MED16: variants seen among roughly 807,000 people sequenced by gnomAD.
MED16 encodes mediator complex subunit 16, also known as mediator of RNA polymerase II transcription subunit 16.
Under a neutral mutation model 84.4 loss-of-function variants are expected in MED16, and 81 were observed. The ratio of observed to expected loss-of-function variants is 0.96; its 90% CI spans 0.80 to 1.15. The LOEUF is 1.15. Ranked by LOEUF, MED16 falls within the 50% of genes most tolerant of loss-of-function variation. MED16 has a pLI of 0.00. For synonymous variants in MED16, 897 were observed against 552.2 expected (o/e 1.62, Z -8.76); for missense variants, 1,585 against 1,245.9 (o/e 1.27, Z -4.10).
intron 2 of MED16, 134 bp from the exon 3 acceptor site, chr19:890,378 C>G (rs545004768): frequency 1.6e-6 from 1 of 607,564 alleles, no homozygotes; most frequent in East Asian, 2.9e-5. Flanking sequence ...TCAGCCGAGT[C>G]GACAGCTCAG....
At chr19:872,245 C>T (rs1006787883) in intron 11 of MED16, 127 bp from the exon 12 acceptor site, 3 of 770,534 alleles carry the variant, frequency 3.9e-6, no homozygotes, top group Non-Finnish European at 6.1e-6. Flanking sequence ...TTGTGGTGGT[C>T]AGGACTGGGG....
chr19:869,817 C>T (rs2036003654), intron 13 of MED16, among the ~76,000 whole-genome samples: 2 of 152,232 alleles, frequency 1.3e-5, no homozygotes, highest in Admixed American at 6.5e-5. Context: ...GCATGTGCTC[C>T]TTGTCAAACG....
In MED16 at chr19:877,430, C is replaced by A. The variant is rs182049695; in HGVS notation, c.1354-250G>T. 8.5e-5 allele frequency among the ~76,000 whole-genome samples: 13 copies of A among 152,272 alleles called. No individual in the cohort carries two copies. In the East Asian group the frequency reaches 2.5e-3, roughly 29 times the overall value. ...CACTGGATGCCGAGCCAGGCTTACA[C>A]TCGTCTGCTTTACCTGAGGAGTCTA... On this transcript the variant is annotated intron_variant, in intron 8 of 15. Transcript: ENST00000325464.
intron 13 of MED16, 67 bp from the exon 14 acceptor site, chr19:869,013 C>T: frequency 7.2e-7 from 1 of 1,390,786 alleles, no homozygotes; most frequent in Non-Finnish European, 9.7e-7. Flanking sequence ...GCAGGGGCAT[C>T]TGTCCACAGG....
intron 4 of MED16, among the ~76,000 whole-genome samples, chr19:889,037 C>T (rs1004475548): frequency 1.1e-4 from 16 of 147,732 alleles, no homozygotes; most frequent in African/African-American, 4.0e-4. Flanking sequence ...CCTGGCCACG[C>T]CTACTCTTAA....
Position 881,699 on chromosome 19 carries a change from G to A in MED16, c.1001C>T (p.Pro334Leu). The A allele has an allele frequency of 6.2e-7, 1 of 1,610,498 alleles. No homozygotes were observed. Among genetic ancestry groups the A allele is most frequent in the Non-Finnish European group, 8.5e-7 (1 of 1,178,110 alleles). The change falls in exon 7 of 16, where the codon CCC becomes CTC. Residue 334 changes from proline (P) to leucine (L), a missense_variant. Transcript: ENST00000325464. ...TAGGATCCGCCATTTGAGAATTGTG[G>A]GCTGTTTGTCGCCAACTGAAAAATC... ...QISPVVGDKQ[P>L]TILKWRILSA...
intron 2 of MED16, 167 bp from the exon 3 acceptor site, chr19:890,411 G>A: frequency 3.6e-6 from 2 of 556,496 alleles, no homozygotes; most frequent in Non-Finnish European, 6.4e-6. Context: ...CCCCCCGCAG[G>A]AACAGAGCAG....
At chr19:870,006 G>A (rs2036007339) in intron 13 of MED16, among the ~76,000 whole-genome samples, 1 of 152,196 alleles carries the variant, frequency 6.6e-6, no homozygotes, top group Non-Finnish European at 1.5e-5. Flanking sequence ...GGCAGCCAGG[G>A]TCAGCTCAGC....
chr19:875,899 G>A (rs1487882158), intron 9 of MED16, among the ~76,000 whole-genome samples: 1 of 152,188 alleles, frequency 6.6e-6, no homozygotes, highest in Non-Finnish European at 1.5e-5. Flanking sequence ...AGGATTCCTG[G>A]AGGCTGGGAG....
intron 14 of MED16, 84 bp downstream of exon 14, chr19:868,779 T>A: frequency 7.1e-7 from 1 of 1,407,938 alleles, no homozygotes; most frequent in Non-Finnish European, 9.6e-7. Context: ...CTTGACCGTC[T>A]GGAGCGCTGG....
intron 6 of MED16, among the ~76,000 whole-genome samples, chr19:884,357 G>A (rs549017182): frequency 3.9e-5 from 6 of 152,174 alleles, no homozygotes; most frequent in South Asian, 4.1e-4. Flanking sequence ...CCGTGGGTGC[G>A]GGGGGCCCAT....
Position 868,466 on chromosome 19 carries a change from G to A in MED16, c.2433C>T (p.Asn811=), listed in dbSNP as rs370700407. The change falls in exon 15 of 16, where the codon AAC becomes AAT. Residue 811 remains asparagine, a synonymous_variant. Transcript: ENST00000325464. ...CCCACTGCTTCACCGCCGTGGTTCT[G>A]TTGGGCGACTTGAGCATGGTGACAC... ...CGCVTMLKSP[N]RTTAVKQWEQ... is the part of the protein sequence containing the mutation. 6.2e-7 allele frequency: 1 copy of A among 1,610,996 alleles called. No homozygotes were observed. Among genetic ancestry groups the A allele is most frequent in the African/African-American group, 1.3e-5 (1 of 74,932 alleles).
intron 8 of MED16, among the ~76,000 whole-genome samples, chr19:877,920 G>A (rs62132307): frequency 2.5e-5 from 3 of 119,704 alleles, no homozygotes; most frequent in Middle Eastern, 7.9e-3. Context: ...ACGTGCCCCA[G>A]CAGCTCACCT....
Position 880,023 on chromosome 19 carries a change from G to A in MED16, c.1267C>T (p.Arg423Cys), listed in dbSNP as rs146740386. The change falls in exon 8 of 16, where the codon CGC (arginine) becomes TGC (cysteine). Residue 423 changes from arginine (R) to cysteine (C), a missense_variant. Transcript: ENST00000325464. ...AAGTGGACGGCGGGGCCCGCGGTGC[G>A]GGGGCGCTTCATGGCCGGCTCATCC... ...PVDEPAMKRP[R>C]TAGPAVHLKA... 65 of 1,610,496 alleles carry A rather than the reference G, an allele frequency of 4.0e-5. No individual in the cohort carries two copies. In the African/African-American group the frequency reaches 4.9e-4, roughly 12 times the overall value.
At chr19:877,457 C>A (rs1033325848) in intron 8 of MED16, among the ~76,000 whole-genome samples, 1 of 152,074 alleles carries the variant, frequency 6.6e-6, no homozygotes, top group Non-Finnish European at 1.5e-5. Context: ...AGGAGTCTAC[C>A]CCGTGAAAGG....
chr19:872,173 G>C (rs1050766280), intron 11 of MED16, 55 bp from the exon 12 acceptor site: 18 of 1,501,974 alleles, frequency 1.2e-5, no homozygotes, highest in Non-Finnish European at 1.6e-5. Context: ...ATGGCGATGG[G>C]ATGAAGTGTC....
At position 886,211 on chromosome 19, in the gene MED16, A is replaced by AG; in HGVS notation, c.448-11dup. 1 of 1,483,776 alleles carries AG rather than the reference A, an allele frequency of 6.7e-7. No individual in the cohort carries two copies. Among genetic ancestry groups the AG allele is most frequent in the Non-Finnish European group, 8.9e-7 (1 of 1,121,338 alleles). The allele number at this position is 1,483,776 out of a possible 1,614,324, so 91.9% of individuals were successfully genotyped here. The stretch of plus-strand genomic sequence containing the variant: ...AGCTGGAGGCGCCCGACTGTGGAGA[A>AG]GGGAGGGAGGGAGGAGGGGCCGCTC... On this transcript the variant is annotated splice_polypyrimidine_tract_variant and intron_variant, in intron 4 of 15. Transcript: ENST00000325464.
intron 1 of MED16, chr19:892,608 C>A (rs947262269): frequency 6.6e-6 from 1 of 152,002 alleles, no homozygotes. Flanking sequence ...CTCTCCAGAC[C>A]CCTATAACTC....
intron 7 of MED16, among the ~76,000 whole-genome samples, chr19:880,442 G>A (rs561864087): frequency 1.3e-5 from 2 of 152,216 alleles, no homozygotes; most frequent in Non-Finnish European, 1.5e-5. Context: ...GCGCAGGGGA[G>A]GGGGGCACTA....
Sources: gnomAD v4.1 joint callset for allele counts (sites outside exome capture counted in the v4.1 genomes callset) on GRCh38, gnomAD v4.1.1 for gene constraint, MANE v1.5 for transcripts, NCBI Gene and HGNC (gene_info 2026-07-23, HGNC 2026-07-21) for gene names.